Variants in C10orf90 observed in about 807,000 individuals in gnomAD.
The protein encoded by C10orf90 is (E2-independent) E3 ubiquitin-conjugating enzyme FATS.
C10orf90 carries 56 observed loss-of-function variants against 62.5 expected under a neutral mutation model. The observed-to-expected ratio is 0.90, with a 90% confidence interval of 0.72 to 1.12. The LOEUF (loss-of-function observed/expected upper bound fraction) is 1.12, where lower values mean the gene tolerates loss of function less well. Among genes scored for constraint, C10orf90 ranks in the 50% most tolerant of loss-of-function variants. The pLI is 0.00. For synonymous variants in C10orf90, 386 were observed against 340.4 expected (o/e 1.13, Z -1.47); for missense variants, 970 against 880.4 (o/e 1.10, Z -1.29).
intron 2 of C10orf90, among the ~76,000 whole-genome samples, chr10:126,645,904 A>G (rs765678014): frequency 1.2e-4 from 19 of 152,202 alleles, no homozygotes; most frequent in Non-Finnish European, 2.6e-4. Flanking sequence ...AATTAAAATG[A>G]GGATTAAGAA....
Position 126,548,360 on chromosome 10 carries a change from T to C in C10orf90, c.314-34421A>G, listed in dbSNP as rs563795041. On this transcript the variant is annotated intron_variant, in intron 2 of 9. Coordinates refer to ENST00000488181, the MANE Select transcript of C10orf90 (RefSeq NM_001350921.2). ...GAGGTTGAGAACAGCCTGGGAAACATAGCAAGACCCCATCTTTTTTTTTTA... is the reference window on the plus strand; with the variant it reads ...GAGGTTGAGAACAGCCTGGGAAACACAGCAAGACCCCATCTTTTTTTTTTA... Among the ~76,000 whole-genome samples, 9 of 151,840 alleles carry C rather than the reference T, an allele frequency of 5.9e-5. No homozygotes were observed. In the East Asian group the frequency reaches 1.2e-3, roughly 20 times the overall value.
chr10:126,527,184 G>A (rs1863975454), intron 2 of C10orf90, among the ~76,000 whole-genome samples: 1 of 152,152 alleles, frequency 6.6e-6, no homozygotes, highest in South Asian at 2.1e-4. Flanking sequence ...CACCAGCGAT[G>A]TATGAGGGTT....
intron 4 of C10orf90, among the ~76,000 whole-genome samples, chr10:126,478,765 C>T (rs572959500): frequency 6.6e-6 from 1 of 152,080 alleles, no homozygotes; most frequent in African/African-American, 2.4e-5. Flanking sequence ...CTGTCCAACA[C>T]CCCTGGCCTT....
chr10:126,608,341 G>C (rs1845358927), intron 2 of C10orf90, among the ~76,000 whole-genome samples: 1 of 152,086 alleles, frequency 6.6e-6, no homozygotes, highest in Non-Finnish European at 1.5e-5. Context: ...CAAACTCCTG[G>C]ACTCAAGCGA....
At chr10:126,501,801 G>T (rs535975276) in intron 4 of C10orf90, among the ~76,000 whole-genome samples, 1 of 152,134 alleles carries the variant, frequency 6.6e-6, no homozygotes, top group Middle Eastern at 3.2e-3. Flanking sequence ...GATTCTAAGT[G>T]AAGTAACATA....
At chr10:126,529,966 CT>C (rs1864048610) in intron 2 of C10orf90, among the ~76,000 whole-genome samples, 1 of 152,094 alleles carries the variant, frequency 6.6e-6, no homozygotes, top group Admixed American at 6.5e-5. Context: ...AATACATATT[CT>C]GGTTTCAGAG....
At chr10:126,550,749 A>G (rs753618802) in intron 2 of C10orf90, among the ~76,000 whole-genome samples, 22 of 152,132 alleles carry the variant, frequency 1.4e-4, no homozygotes, top group Admixed American at 3.3e-4. Context: ...ACCCCGGGTG[A>G]TTCACCTGTT....
At position 126,443,733 on chromosome 10, in the gene C10orf90, C is replaced by T. The variant is rs1858555586; in HGVS notation, c.2189-13883G>A. On this transcript the variant is annotated intron_variant, in intron 7 of 9. Coordinates refer to ENST00000488181, the MANE Select transcript of C10orf90 (RefSeq NM_001350921.2). ...AGGACATAACCAAAACAGAAAACTACAGACTGATATCCCTGATGAATACAG... is the reference window on the plus strand; with the variant it reads ...AGGACATAACCAAAACAGAAAACTATAGACTGATATCCCTGATGAATACAG... Among the ~76,000 whole-genome samples the T allele has an allele frequency of 1.3e-5, 2 of 152,044 alleles. 1 individual carries two copies. The highest frequency in any genetic ancestry group is 2.9e-5 in the Non-Finnish European group (2 of 67,946).
At chr10:126,463,756 C>T (rs190886465) in intron 5 of C10orf90, among the ~76,000 whole-genome samples, 52 of 152,372 alleles carry the variant, frequency 3.4e-4, no homozygotes, top group Non-Finnish European at 4.4e-4. Context: ...CTCTGAGTGT[C>T]AGGGGCCGTC....
rs1290964391 is a variant in C10orf90, at chr10:126,459,129, G to A, written c.2099C>T (p.Ala700Val). The A allele has an allele frequency of 2.5e-6, 4 of 1,614,180 alleles. No homozygotes were observed. In the South Asian group the frequency reaches 4.4e-5, roughly 18 times the overall value. Residue 700 changes from alanine to valine, a missense_variant, in exon 7 of 10, where the codon GCC becomes GTC. By Grantham distance (64) the Ala-to-Val change is moderately conservative. Transcript: ENST00000488181. ...KLEHMVQQRKAQRKEDLRQKQ... is the reference protein window; with the variant it reads ...KLEHMVQQRKVQRKEDLRQKQ... ...CTGCCTCAGGTCCTCCTTCCGCTGG[G>A]CTTTCCTCTGCTGGACCATGTGTTC...
At chr10:126,532,889 C>T (rs1360856377) in intron 2 of C10orf90, among the ~76,000 whole-genome samples, 6 of 126,968 alleles carry the variant, frequency 4.7e-5, no homozygotes, top group Non-Finnish European at 1.0e-4. Context: ...TTTCAAAAAT[C>T]TAAAATAAAA....
At chr10:126,613,038 A>G (rs1013895519) in intron 2 of C10orf90, among the ~76,000 whole-genome samples, 3 of 152,184 alleles carry the variant, frequency 2.0e-5, no homozygotes, top group Non-Finnish European at 4.4e-5. Flanking sequence ...ACCTTTGAAT[A>G]TAATTATTAT....
intron 4 of C10orf90, 143 bp from the exon 5 acceptor site, chr10:126,465,129 T>A: frequency 2.6e-6 from 2 of 779,786 alleles, no homozygotes; most frequent in South Asian, 3.7e-5. Flanking sequence ...GCCATCTGTA[T>A]ACAGTGCTGT....
At chr10:126,606,728 T>C (rs1248482652) in intron 2 of C10orf90, among the ~76,000 whole-genome samples, 1 of 152,236 alleles carries the variant, frequency 6.6e-6, no homozygotes. Flanking sequence ...GTTTGGCTCC[T>C]GATTGAATGA....
intron 2 of C10orf90, among the ~76,000 whole-genome samples, chr10:126,637,651 T>C (rs183381930): frequency 1.3e-5 from 2 of 152,238 alleles, no homozygotes; most frequent in African/African-American, 4.8e-5. Flanking sequence ...GTGAGGGTCA[T>C]GGCCACTTGG....
chr10:126,427,110 T>C (rs184491654), intron 8 of C10orf90, among the ~76,000 whole-genome samples: 196 of 152,304 alleles, frequency 1.3e-3, no homozygotes, highest in African/African-American at 4.3e-3. Context: ...AACCATAATA[T>C]GGCATCAAGC....
intron 2 of C10orf90, chr10:126,521,464 C>T: frequency 6.7e-7 from 1 of 1,484,608 alleles, no homozygotes; most frequent in Non-Finnish European, 8.9e-7. Flanking sequence ...CACCTTCCAG[C>T]CTCGGCCAAA....
At chr10:126,441,409 T>C (rs191994822) in intron 7 of C10orf90, among the ~76,000 whole-genome samples, 1 of 152,070 alleles carries the variant, frequency 6.6e-6, no homozygotes, top group Admixed American at 6.5e-5. Flanking sequence ...AAACTAAGAA[T>C]AATCAGCATT....
intron 4 of C10orf90, chr10:126,502,874 G>A: frequency 4.0e-6 from 2 of 494,606 alleles, no homozygotes; most frequent in Non-Finnish European, 8.1e-6. Context: ...CAATCTGAAA[G>A]CCATGCCAAA....
Sources: gnomAD v4.1 joint callset for allele counts (sites outside exome capture counted in the v4.1 genomes callset) on GRCh38, gnomAD v4.1.1 for gene constraint, MANE v1.5 for transcripts, NCBI Gene and HGNC (gene_info 2026-07-23, HGNC 2026-07-21) for gene names.